The following PPIL4 variants were observed in gnomAD, a reference collection of about 807,000 sequenced individuals.
The protein encoded by PPIL4 is peptidylprolyl isomerase like 4, also known as peptidyl-prolyl cis-trans isomerase-like 4.
A neutral mutation model predicts 69.1 loss-of-function variants in PPIL4; 50 were observed. The ratio of observed to expected loss-of-function variants is 0.72; its 90% CI spans 0.58 to 0.92. The LOEUF (loss-of-function observed/expected upper bound fraction) is 0.92. PPIL4 is among the 40% of genes least tolerant of loss of function. PPIL4 has a pLI of 0.00. For missense variants in PPIL4, 480 were observed against 587.9 expected (o/e 0.82, Z 1.90); for synonymous variants, 193 against 191.6 (o/e 1.01, Z -0.06).
At chr6:149,517,483 T>A in intron 10 of PPIL4, 33 bp from the exon 11 acceptor site, 1 of 1,094,462 alleles carries the variant, frequency 9.1e-7, no homozygotes, top group Non-Finnish European at 1.3e-6. Flanking sequence ...AAGAGCTTAG[T>A]AAAAAAACCA....
At chr6:149,524,476 T>A (rs1777076727) in intron 9 of PPIL4, among the ~76,000 whole-genome samples, 1 of 152,214 alleles carries the variant, frequency 6.6e-6, no homozygotes, top group Non-Finnish European at 1.5e-5. Flanking sequence ...AGCTGGCTAA[T>A]AACAAAAGAT....
intron 11 of PPIL4, among the ~76,000 whole-genome samples, chr6:149,513,412 A>AT (rs1405350056): frequency 2.2e-4 from 12 of 55,322 alleles, no homozygotes; most frequent in African/African-American, 3.0e-4. Context: ...AAAAAAAAAA[A>AT]ATATATATAT....
rs1450114002 is a variant in PPIL4, at chr6:149,505,227, C to G, written c.*226G>C. The G allele has an allele frequency of 5.1e-6, 2 of 395,846 alleles. No individual in the cohort carries two copies. Among genetic ancestry groups the G allele is most frequent in the Non-Finnish European group, 9.0e-6 (2 of 223,306 alleles). The allele number at this position is 395,846 out of a possible 1,614,324, so 24.5% of individuals were successfully genotyped here. A position where few individuals can be genotyped will look rare whatever the true frequency, so the allele number is the denominator to read the frequency against. On this transcript the variant is annotated 3_prime_UTR_variant, in exon 13 of 13. Transcript: ENST00000253329. ...AAATGTAAGACTTCAAAAATGAAGA[C>G]TACCATTTATGTATAACAATAAAAT...
At chr6:149,512,858 T>C (rs1366003639) in intron 11 of PPIL4, among the ~76,000 whole-genome samples, 4 of 152,014 alleles carry the variant, frequency 2.6e-5, no homozygotes, top group African/African-American at 9.7e-5. Context: ...TTCTCCTGCC[T>C]CAGCCTCCCG....
chr6:149,520,621 T>C (rs928982568), intron 10 of PPIL4, among the ~76,000 whole-genome samples: 1 of 152,022 alleles, frequency 6.6e-6, no homozygotes, highest in African/African-American at 2.4e-5. Context: ...AGATTCTAGA[T>C]AGCAGGTTTG....
chr6:149,534,875 C>A, intron 5 of PPIL4, 101 bp from the exon 6 acceptor site: 2 of 637,180 alleles, frequency 3.1e-6, no homozygotes, highest in African/African-American at 1.9e-5. Context: ...ATCTCTAAGG[C>A]CAAAAAAAAC....
At chr6:149,511,961 G>T (rs1280527506) in intron 12 of PPIL4, among the ~76,000 whole-genome samples, 194 bp downstream of exon 12, 6 of 152,114 alleles carry the variant, frequency 3.9e-5, no homozygotes, top group African/African-American at 1.4e-4. Flanking sequence ...TGTCAAAAAT[G>T]ATCTTTTATC....
At chr6:149,544,632 A>C (rs1562263843) in intron 1 of PPIL4, among the ~76,000 whole-genome samples, 2 of 152,210 alleles carry the variant, frequency 1.3e-5, no homozygotes, top group South Asian at 4.1e-4. Flanking sequence ...CTGCTTAGAA[A>C]GGAGGGAGAG....
chr6:149,520,380 A>G (rs1409965552), intron 10 of PPIL4, among the ~76,000 whole-genome samples: 1 of 152,164 alleles, frequency 6.6e-6, no homozygotes, highest in Non-Finnish European at 1.5e-5. Context: ...ATTTTGCATC[A>G]TATGACAACT....
At chr6:149,519,718 G>A (rs1041330927) in intron 10 of PPIL4, among the ~76,000 whole-genome samples, 3 of 152,060 alleles carry the variant, frequency 2.0e-5, no homozygotes, top group Non-Finnish European at 2.9e-5. Context: ...TAAGGTAACA[G>A]AATCCACCAA....
intron 11 of PPIL4, among the ~76,000 whole-genome samples, chr6:149,513,076 C>T (rs1776880289): frequency 6.8e-6 from 1 of 147,850 alleles, no homozygotes. Context: ...TTTATGAATA[C>T]AGTTAAATGA....
chr6:149,511,779 A>G (rs1467708338), intron 12 of PPIL4, among the ~76,000 whole-genome samples: 1 of 152,182 alleles, frequency 6.6e-6, no homozygotes, highest in Non-Finnish European at 1.5e-5. Flanking sequence ...AGGATGTAAA[A>G]TCTCAAGAGC....
chr6:149,521,484 T>C (rs1412738482), intron 9 of PPIL4, among the ~76,000 whole-genome samples: 1 of 152,210 alleles, frequency 6.6e-6, no homozygotes, highest in African/African-American at 2.4e-5. Context: ...TTACTGACTG[T>C]ATTATACAGG....
chr6:149,534,588 G>A (rs565869693), intron 6 of PPIL4, 90 bp downstream of exon 6: 48 of 686,832 alleles, frequency 7.0e-5, no homozygotes, highest in Non-Finnish European at 9.7e-5. Flanking sequence ...ATAATAATTC[G>A]GAAAAAATTA....
At chr6:149,508,338 C>T (rs972654380) in intron 12 of PPIL4, among the ~76,000 whole-genome samples, 13 of 152,064 alleles carry the variant, frequency 8.5e-5, no homozygotes, top group African/African-American at 3.1e-4. Flanking sequence ...TAGATAAGGT[C>T]TAGGTCCTTT....
At chr6:149,534,849 A>T (rs1279533799) in intron 5 of PPIL4, 75 bp from the exon 6 acceptor site, 1 of 883,516 alleles carries the variant, frequency 1.1e-6, no homozygotes, top group African/African-American at 1.7e-5. Context: ...AATAGATTAC[A>T]AAAAATTACT....
chr6:149,539,170 T>C (rs1374214914), intron 4 of PPIL4, among the ~76,000 whole-genome samples: 1 of 152,182 alleles, frequency 6.6e-6, no homozygotes, highest in Non-Finnish European at 1.5e-5. Context: ...AGATGGAATC[T>C]ACTGCTGGTG....
rs759852141 is a variant in PPIL4, at chr6:149,533,621, AT to A, written c.562-48del. On this transcript the variant is annotated intron_variant, in intron 6 of 12. Coordinates refer to ENST00000253329, the MANE Select transcript of PPIL4 (RefSeq NM_139126.4). ...ATGTATATATTTAAAGAATAAAAAA[AT>A]CTGAGAAACATAGAAGACATACTTT... The A allele has an allele frequency of 1.3e-5, 14 of 1,080,870 alleles. No individual in the cohort carries two copies. The African/African-American group carries it at 1.9e-4, about 15-fold the overall frequency. 67.0% of individuals were successfully genotyped at this position (1,080,870 alleles called of 1,614,324 possible). A position where few individuals can be genotyped will look rare whatever the true frequency, so the allele number is the denominator to read the frequency against.
Position 149,546,043 on chromosome 6 carries a change from G to T in PPIL4, c.-38C>A. On this transcript the variant is annotated 5_prime_UTR_variant, in exon 1 of 13. Coordinates refer to ENST00000253329, the MANE Select transcript of PPIL4 (RefSeq NM_139126.4). The stretch of plus-strand genomic sequence containing the variant: ...TCCTCCGCTACAAACCCCGGGAGGA[G>T]GGGGGTGACAGGCGCAGGCCGACGG... The T allele has an allele frequency of 6.5e-7, 1 of 1,546,772 alleles. No individual in the cohort carries two copies. The highest frequency in any genetic ancestry group is 8.8e-7 in the Non-Finnish European group (1 of 1,140,934).
Sources: gnomAD v4.1 joint callset for allele counts (sites outside exome capture counted in the v4.1 genomes callset) on GRCh38, gnomAD v4.1.1 for gene constraint, MANE v1.5 for transcripts, NCBI Gene and HGNC (gene_info 2026-07-23, HGNC 2026-07-21) for gene names.